The following GALNT13 variants were observed in gnomAD, a reference collection of about 807,000 sequenced individuals.
The protein encoded by GALNT13 is polypeptide N-acetylgalactosaminyltransferase 13.
In GALNT13, 28 loss-of-function variants were observed where a neutral mutation model predicts 64.2. That is an observed-to-expected ratio of 0.44 (90% CI 0.32 to 0.60). The LOEUF is 0.60. Ranked by LOEUF, GALNT13 falls within the 20% of genes least tolerant of loss-of-function variation. GALNT13 has a pLI of 0.05. For missense variants in GALNT13, 577 were observed against 669.8 expected (o/e 0.86, Z 1.53); for synonymous variants, 214 against 224.6 (o/e 0.95, Z 0.42).
chr2:153,594,084 C>G, the GALNT13 span, among the ~76,000 whole-genome samples: 2 of 151,990 alleles, frequency 1.3e-5, no homozygotes, highest in Admixed American at 1.3e-4. Flanking sequence ...AAAGTCAAAC[C>G]TAACTTTTTG....
intron 9 of GALNT13, among the ~76,000 whole-genome samples, chr2:154,312,281 C>T (rs187757089): frequency 2.0e-5 from 3 of 152,312 alleles, no homozygotes; most frequent in Non-Finnish European, 2.9e-5. Flanking sequence ...TGGCTTCAGC[C>T]GGTCCCTCCG....
chr2:154,295,309 A>G (rs145008797), intron 8 of GALNT13, among the ~76,000 whole-genome samples: 144 of 151,342 alleles, frequency 9.5e-4, no homozygotes, highest in African/African-American at 3.1e-3. Flanking sequence ...CTGATTTTAT[A>G]GCTTTGTAAT....
chr2:153,620,303 T>C, the GALNT13 span, among the ~76,000 whole-genome samples: 1 of 151,922 alleles, frequency 6.6e-6, no homozygotes, highest in Non-Finnish European at 1.5e-5. Flanking sequence ...TTTCTATTTT[T>C]AGTAGAGATA....
chr2:154,279,296 G>A (rs1192940454), intron 8 of GALNT13, among the ~76,000 whole-genome samples: 5 of 152,050 alleles, frequency 3.3e-5, no homozygotes, highest in Admixed American at 6.6e-5. Flanking sequence ...ACCTTAATAC[G>A]AGTTCAGGAG....
At chr2:154,044,196 G>A (rs72995322) in intron 3 of GALNT13, among the ~76,000 whole-genome samples, 13,484 of 152,158 alleles carry the variant, frequency 0.089, 1,046 homozygotes, top group African/African-American at 0.2. Context: ...TAATAAACAC[G>A]TGAAGTGAAT....
the GALNT13 span, among the ~76,000 whole-genome samples, chr2:153,434,680 GT>G: frequency 6.6e-6 from 1 of 151,956 alleles, no homozygotes; most frequent in African/African-American, 2.4e-5. Flanking sequence ...GGGTTGTTTG[GT>G]TTTTTTCTTG....
At chr2:153,755,089 T>C in the GALNT13 span, among the ~76,000 whole-genome samples, 1 of 152,180 alleles carries the variant, frequency 6.6e-6, no homozygotes, top group Non-Finnish European at 1.5e-5. Context: ...TGTCTGTAAT[T>C]TGAGACTGTT....
chr2:154,278,818 C>A (rs572974609), intron 8 of GALNT13, among the ~76,000 whole-genome samples: 10 of 151,906 alleles, frequency 6.6e-5, no homozygotes, highest in Non-Finnish European at 1.0e-4. Context: ...GGGGAAAAAT[C>A]TTTTTAAGAC....
At chr2:153,214,686 G>A in the GALNT13 span, among the ~76,000 whole-genome samples, 35 of 152,082 alleles carry the variant, frequency 2.3e-4, no homozygotes, top group Admixed American at 4.6e-4. Flanking sequence ...ACTTTAAATA[G>A]CAAGGCCAAC....
At chr2:153,851,216 A>G in the GALNT13 span, among the ~76,000 whole-genome samples, 3 of 152,186 alleles carry the variant, frequency 2.0e-5, no homozygotes, top group African/African-American at 7.2e-5. Context: ...AATTCTTGTC[A>G]GCAACAATTC....
chr2:153,293,258 A>G, the GALNT13 span, among the ~76,000 whole-genome samples: 1 of 152,176 alleles, frequency 6.6e-6, no homozygotes, highest in Admixed American at 6.6e-5. Flanking sequence ...TGCAGACCTG[A>G]GTAAGGACCT....
intron 4 of GALNT13, among the ~76,000 whole-genome samples, chr2:154,189,028 A>G (rs985236031): frequency 6.6e-5 from 10 of 152,174 alleles, no homozygotes; most frequent in Non-Finnish European, 1.3e-4. Context: ...TAATAATCCA[A>G]TCCAAAAAAA....
intron 3 of GALNT13, among the ~76,000 whole-genome samples, chr2:154,122,534 C>T (rs1404596872): frequency 6.6e-6 from 1 of 151,950 alleles, no homozygotes; most frequent in African/African-American, 2.4e-5. Context: ...GTAGAATTCA[C>T]CAATGAAACT....
At chr2:154,279,883 C>A (rs1266004068) in intron 8 of GALNT13, among the ~76,000 whole-genome samples, 1 of 151,740 alleles carries the variant, frequency 6.6e-6, no homozygotes, top group Non-Finnish European at 1.5e-5. Flanking sequence ...CTTGAGGTGA[C>A]ATTAACATGG....
At chr2:154,385,513 C>G (rs1698470638) in intron 9 of GALNT13, among the ~76,000 whole-genome samples, 1 of 151,872 alleles carries the variant, frequency 6.6e-6, no homozygotes, top group Admixed American at 6.6e-5. Context: ...AACATTTGAC[C>G]CTACTTCTGC....
chr2:154,123,141 T>A (rs2105522249), intron 3 of GALNT13, among the ~76,000 whole-genome samples: 1 of 152,092 alleles, frequency 6.6e-6, no homozygotes, highest in African/African-American at 2.4e-5. Context: ...CTGAAGGAAA[T>A]TTTTTCTAGC....
At chr2:153,806,379 A>G in the GALNT13 span, among the ~76,000 whole-genome samples, 1 of 152,102 alleles carries the variant, frequency 6.6e-6, no homozygotes, top group Non-Finnish European at 1.5e-5. Context: ...CAATAAGGGG[A>G]AATAAAAAGC....
chr2:153,126,318 A>ATT, the GALNT13 span, among the ~76,000 whole-genome samples: 1 of 119,102 alleles, frequency 8.4e-6, no homozygotes, highest in African/African-American at 3.8e-5. Flanking sequence ...ATATATATAT[A>ATT]TATATATATA....
At chr2:153,905,303 G>C (rs1250153376) in intron 2 of GALNT13, among the ~76,000 whole-genome samples, 2 of 151,594 alleles carry the variant, frequency 1.3e-5, no homozygotes, top group Non-Finnish European at 2.9e-5. Flanking sequence ...TTATTAACTG[G>C]GGACACATTC....
Sources: gnomAD v4.1 joint callset for allele counts (sites outside exome capture counted in the v4.1 genomes callset) on GRCh38, gnomAD v4.1.1 for gene constraint, MANE v1.5 for transcripts, NCBI Gene and HGNC (gene_info 2026-07-23, HGNC 2026-07-21) for gene names.